PGBD5: variants seen among roughly 807,000 people sequenced by gnomAD.
PGBD5 encodes the protein piggyBac transposable element derived 5.
PGBD5 carries 14 observed loss-of-function variants against 47.9 expected under a neutral mutation model. The observed-to-expected ratio is 0.29, with a 90% CI of 0.19 to 0.46. PGBD5 has a LOEUF of 0.46. PGBD5 is among the 20% of genes least tolerant of loss of function. The pLI, the probability that PGBD5 is intolerant of heterozygous loss-of-function variation, is 1.00. For missense variants in PGBD5, 635 were observed against 716.0 expected (o/e 0.89, Z 1.29); for synonymous variants, 316 against 306.3 (o/e 1.03, Z -0.33).
At chr1:230,394,586 C>G (rs1267670269) in intron 1 of PGBD5, among the ~76,000 whole-genome samples, 1 of 133,550 alleles carries the variant, frequency 7.5e-6, no homozygotes. Context: ...CCCTCCTCTC[C>G]TTGTGCTCCT....
chr1:230,347,366 A>G (rs1432888007), intron 3 of PGBD5, among the ~76,000 whole-genome samples: 1 of 152,162 alleles, frequency 6.6e-6, no homozygotes, highest in Non-Finnish European at 1.5e-5. Context: ...AACATCAGAG[A>G]AGCCCAGCAG....
chr1:230,343,424 T>C (rs541952261), intron 3 of PGBD5, among the ~76,000 whole-genome samples: 86 of 152,326 alleles, frequency 5.6e-4, no homozygotes, highest in African/African-American at 1.8e-3. Flanking sequence ...AAATACTTTA[T>C]TGTCATCTTT....
chr1:230,315,037 T>C lies in PGBD5; in HGVS notation c.*8388A>G, dbSNP rs1273688730. On this transcript the variant is annotated 3_prime_UTR_variant, in exon 7 of 7. Coordinates refer to ENST00000391860, the MANE Select transcript of PGBD5 (RefSeq NM_001258311.2). Reference sequence around the variant, plus strand: ...CCCCTGAGAGAGCCAGTTGTGTTCATGATTTTGGTTCCTTCTTCCTCCTAA... The same window carrying C: ...CCCCTGAGAGAGCCAGTTGTGTTCACGATTTTGGTTCCTTCTTCCTCCTAA... 3 of 152,200 alleles carry C rather than the reference T, an allele frequency of 2.0e-5. No individual in the cohort carries two copies. The East Asian group carries it at 5.8e-4, about 29-fold the overall frequency. The allele number at this position is 152,200 out of a possible 1,614,324, so 9.4% of individuals were successfully genotyped here.
At chr1:230,354,272 C>T (rs1053919407) in intron 2 of PGBD5, among the ~76,000 whole-genome samples, 3 of 152,180 alleles carry the variant, frequency 2.0e-5, no homozygotes, top group South Asian at 4.1e-4. Context: ...TCTCCTGGAG[C>T]CACATGCCCC....
At chr1:230,324,967 T>C (rs1299473884) in intron 6 of PGBD5, among the ~76,000 whole-genome samples, 1 of 152,152 alleles carries the variant, frequency 6.6e-6, no homozygotes, top group Non-Finnish European at 1.5e-5. Context: ...CAATTCAGAA[T>C]AGAGGACTGG....
intron 1 of PGBD5, among the ~76,000 whole-genome samples, chr1:230,417,607 C>G (rs1017544325): frequency 6.6e-6 from 1 of 152,226 alleles, no homozygotes; most frequent in African/African-American, 2.4e-5. Context: ...TTTCCTTCCT[C>G]TTCACCTGAC....
chr1:230,384,020 C>T (rs1017728756), intron 1 of PGBD5, among the ~76,000 whole-genome samples: 4 of 149,736 alleles, frequency 2.7e-5, no homozygotes, highest in Non-Finnish European at 5.9e-5. Context: ...GTGCTTGTCC[C>T]GTCCGTCCAA....
chr1:230,421,783 T>C (rs1657653991), intron 1 of PGBD5, among the ~76,000 whole-genome samples: 1 of 152,152 alleles, frequency 6.6e-6, no homozygotes, highest in African/African-American at 2.4e-5. Context: ...AGCTTCAAAG[T>C]TCCTCCTGGA....
At chr1:230,363,143 G>A (rs1412102992) in intron 1 of PGBD5, among the ~76,000 whole-genome samples, 5 of 152,172 alleles carry the variant, frequency 3.3e-5, no homozygotes, top group Non-Finnish European at 7.4e-5. Flanking sequence ...ACATGACCTC[G>A]CACACACAGG....
intron 1 of PGBD5, among the ~76,000 whole-genome samples, chr1:230,376,851 T>C (rs1668021724): frequency 6.6e-6 from 1 of 152,198 alleles, no homozygotes; most frequent in Non-Finnish European, 1.5e-5. Context: ...CTAACTTCAT[T>C]GCTACTATTC....
intron 1 of PGBD5, among the ~76,000 whole-genome samples, chr1:230,370,166 C>T (rs1005441957): frequency 1.2e-4 from 18 of 152,216 alleles, no homozygotes; most frequent in African/African-American, 2.9e-4. Context: ...GCTCTGCGTT[C>T]CCCTCCAGCC....
rs1256847826 is a variant in PGBD5, at chr1:230,325,434, A to G, written c.1274-19T>C. On this transcript the variant is annotated intron_variant, in intron 5 of 6. Coordinates refer to ENST00000391860, the MANE Select transcript of PGBD5 (RefSeq NM_001258311.2). ...ATGACTCCTGAAGGCGAGAGACAAG[A>G]TAAGCCCCTTCCTCAGCACCTCCTC... 2 of 1,580,600 alleles carry G rather than the reference A, an allele frequency of 1.3e-6. No individual in the cohort carries two copies. The highest frequency in any genetic ancestry group is 1.1e-5 in the South Asian group (1 of 89,362).
intron 6 of PGBD5, among the ~76,000 whole-genome samples, chr1:230,325,049 G>T (rs1437396214): frequency 2.0e-5 from 3 of 152,188 alleles, no homozygotes; most frequent in Non-Finnish European, 4.4e-5. Flanking sequence ...GCAAAGGAAA[G>T]GGTGCCTCTG....
chr1:230,352,107 T>C (rs1262380376), intron 2 of PGBD5, among the ~76,000 whole-genome samples: 2 of 151,956 alleles, frequency 1.3e-5, no homozygotes, highest in African/African-American at 4.8e-5. Context: ...TAGATCGGGG[T>C]CAGCAAATTA....
intron 1 of PGBD5, among the ~76,000 whole-genome samples, chr1:230,386,445 TA>T (rs1347710408): frequency 1.3e-5 from 2 of 152,226 alleles, no homozygotes; most frequent in Non-Finnish European, 2.9e-5. Context: ...CTCTGTCTGG[TA>T]ATCTGCCTAG....
rs1455595995 is a variant in PGBD5, at chr1:230,316,473, C to G, written c.*6952G>C. On this transcript the variant is annotated 3_prime_UTR_variant, in exon 7 of 7. Coordinates refer to ENST00000391860, the MANE Select transcript of PGBD5 (RefSeq NM_001258311.2). ...GGACTGCATCCCCTGCTTCCATCCC[C>G]TGTTCATTCCTTCCGTGGTCTACCC... is the stretch of plus-strand genomic sequence containing the variant. 6.6e-6 allele frequency: 1 copy of G among 152,236 alleles called. No individual in the cohort carries two copies. The highest frequency in any genetic ancestry group is 1.5e-5 in the Non-Finnish European group (1 of 68,052). 9.4% of individuals were successfully genotyped at this position (152,236 alleles called of 1,614,324 possible).
intron 5 of PGBD5, among the ~76,000 whole-genome samples, chr1:230,332,325 T>C (rs1667233611): frequency 6.6e-6 from 1 of 152,234 alleles, no homozygotes; most frequent in Admixed American, 6.5e-5. Context: ...GATTTCACTG[T>C]ACGGTACTTT....
At chr1:230,382,904 G>T (rs1249652902) in intron 1 of PGBD5, among the ~76,000 whole-genome samples, 1 of 150,396 alleles carries the variant, frequency 6.6e-6, no homozygotes, top group African/African-American at 2.4e-5. Context: ...ATCTTTAAAT[G>T]TCAGATGTTA....
chr1:230,373,953 C>T (rs1667972367), intron 1 of PGBD5, among the ~76,000 whole-genome samples: 1 of 152,148 alleles, frequency 6.6e-6, no homozygotes, highest in Non-Finnish European at 1.5e-5. Context: ...CTGCCTCAAC[C>T]TCACAGGTGT....
Sources: gnomAD v4.1 joint callset for allele counts (sites outside exome capture counted in the v4.1 genomes callset) on GRCh38, gnomAD v4.1.1 for gene constraint, MANE v1.5 for transcripts, NCBI Gene and HGNC (gene_info 2026-07-23, HGNC 2026-07-21) for gene names.